Variants in VSX1 observed in about 807,000 individuals in gnomAD.
VSX1 encodes the protein homeodomain protein RINX.
A neutral mutation model predicts 23.6 loss-of-function variants in VSX1; 23 were observed. The observed-to-expected ratio is 0.97, with a 90% confidence interval of 0.70 to 1.38. VSX1 has a LOEUF of 1.38. Among genes scored for constraint, VSX1 ranks in the 40% most tolerant of loss-of-function variants. The pLI is 0.00. For synonymous variants in VSX1, 247 were observed against 215.1 expected, an observed-to-expected ratio of 1.15 and a Z score of -1.30; for missense variants, 517 against 495.4, an observed-to-expected ratio of 1.04 and a Z score of -0.41.
chr20:25,077,572 CA>C, intron 4 of VSX1, 112 bp downstream of exon 4: 1 of 1,291,850 alleles, frequency 7.7e-7, no homozygotes, highest in Non-Finnish European at 1.1e-6. Context: ...ACCTGAATCT[CA>C]GTAAACTGAC....
chr20:25,073,058 G>A (rs2089413395), downstream of VSX1, among the ~76,000 whole-genome samples: 1 of 152,168 alleles, frequency 6.6e-6, no homozygotes, highest in Admixed American at 6.5e-5. Context: ...AGAGGACCAC[G>A]TGTAAAATCC....
In VSX1 at chr20:25,077,860, C is replaced by A; in HGVS notation, c.633G>T (p.Trp211Cys). ...GCCATTTGGCCCTGCGGTTTTGAAA[C>A]CAGACCTGGTTGGAGGCAGGAGAAG... ...TELPEDRIQV[W>C]FQNRRAKWRK... Residue 211 changes from tryptophan (W) to cysteine (C), a missense_variant, in exon 4 of 5, where the codon TGG (tryptophan) becomes TGT (cysteine). Coordinates refer to ENST00000376709, the MANE Select transcript of VSX1 (RefSeq NM_014588.6). 1.3e-6 allele frequency: 2 copies of A among 1,551,898 alleles called. No individual in the cohort carries two copies. Among genetic ancestry groups the A allele is most frequent in the African/African-American group, 1.4e-5 (1 of 73,276 alleles).
chr20:25,076,525 C>T lies in VSX1; in HGVS notation c.834G>A (p.Met278Ile), dbSNP rs754510270. The T allele has an allele frequency of 8.1e-6, 13 of 1,612,428 alleles. No homozygotes were observed. The highest frequency in any genetic ancestry group is 1.0e-5 in the Non-Finnish European group (12 of 1,179,606). Residue 278 changes from methionine (M) to isoleucine (I), a missense_variant, in exon 5 of 5, where the codon ATG becomes ATA. By Grantham distance (10) the Met-to-Ile change is conservative. Coordinates refer to ENST00000376709, the MANE Select transcript of VSX1 (RefSeq NM_014588.6). The part of the protein sequence containing the change: ...LLGMHKKSMG[M>I]IRKPGSEDKL... ...TATCTTCACTTCCTGGCTTCCTTAT[C>T]ATCCCCATGGATTTTTTATGCATCC...
chr20:25,081,816 G>A lies in VSX1; in HGVS notation c.281C>T (p.Ala94Val). The A allele has an allele frequency of 6.7e-7, 1 of 1,502,678 alleles. No individual in the cohort carries two copies. Among genetic ancestry groups the A allele is most frequent in the Non-Finnish European group, 8.8e-7 (1 of 1,134,696 alleles). The allele number at this position is 1,502,678 out of a possible 1,614,324, so 93.1% of individuals were successfully genotyped here. A position where few individuals can be genotyped will look rare whatever the true frequency, so the allele number is the denominator to read the frequency against. ...GAGCAGGCAGGGTGCTCGAGCGGCC[G>A]CCGGCGGCTGCGTGCCGAAGCCACA... ...LLCGFGTQPP[A>V]AARAPCLLLA... Residue 94 changes from alanine to valine, a missense_variant, in exon 1 of 5, where the codon GCG becomes GTG. Coordinates refer to ENST00000376709, the MANE Select transcript of VSX1 (RefSeq NM_014588.6).
chr20:25,078,581 T>C (rs2122881778), intron 3 of VSX1: 4 of 1,397,738 alleles, frequency 2.9e-6, no homozygotes, highest in South Asian at 1.8e-5. Flanking sequence ...ATCTTTATAG[T>C]TTCTAGTTGC....
Position 25,076,005 on chromosome 20 carries a change from CA to C in VSX1, c.*255del. Reference sequence around the variant, plus strand: ...CTTCGGATCCTCCCTGCTCAAGCTACAAAAGAGAATCAAAAGTTTTGCACCA... The same window carrying C: ...CTTCGGATCCTCCCTGCTCAAGCTACAAAGAGAATCAAAAGTTTTGCACCA... On this transcript the variant is annotated 3_prime_UTR_variant, in exon 5 of 5. Transcript: ENST00000376709. 1 of 555,430 alleles carries C rather than the reference CA, an allele frequency of 1.8e-6. No homozygotes were observed. The highest frequency in any genetic ancestry group is 3.2e-6 in the Non-Finnish European group (1 of 312,630). The allele number at this position is 555,430 out of a possible 1,614,324, so 34.4% of individuals were successfully genotyped here.
chr20:25,079,160 T>C (rs1344859754), intron 2 of VSX1, among the ~76,000 whole-genome samples: 1 of 152,216 alleles, frequency 6.6e-6, no homozygotes, highest in Non-Finnish European at 1.5e-5. Flanking sequence ...TCTTAATGAA[T>C]TCCATCAGCT....
chr20:25,076,555 T>TA lies in VSX1; in HGVS notation c.809-6dup, dbSNP rs11427085. The TA allele has an allele frequency of 0.24, 322,241 of 1,341,312 alleles. 15,205 individuals are homozygous for TA. Among genetic ancestry groups the TA allele is most frequent in the Admixed American group, 0.34 (15,866 of 47,088 alleles). The allele number at this position is 1,341,312 out of a possible 1,614,324, so 83.1% of individuals were successfully genotyped here. A position where few individuals can be genotyped will look rare whatever the true frequency, so the allele number is the denominator to read the frequency against. On this transcript the variant is annotated splice_region_variant and splice_polypyrimidine_tract_variant and intron_variant, in intron 4 of 4. Transcript: ENST00000376709. ...CCATGGATTTTTTATGCATCCCTTG[T>TA]AAAAAAAAAAATAAAAAGGAAAAAA... is the stretch of plus-strand genomic sequence containing the variant.
chr20:25,081,350 C>A (rs1470758698), intron 1 of VSX1: 11 of 616,650 alleles, frequency 1.8e-5, no homozygotes, highest in Admixed American at 1.3e-4. Flanking sequence ...TGGCGCCTGG[C>A]GCTGGGGGGA....
Position 25,076,017 on chromosome 20 carries a change from A to G in VSX1, c.*244T>C. The G allele has an allele frequency of 1.7e-6, 1 of 575,850 alleles. No homozygotes were observed. The highest frequency in any genetic ancestry group is 3.1e-6 in the Non-Finnish European group (1 of 326,446). The allele number at this position is 575,850 out of a possible 1,614,324, so 35.7% of individuals were successfully genotyped here. A position where few individuals can be genotyped will look rare whatever the true frequency, so the allele number is the denominator to read the frequency against. On this transcript the variant is annotated 3_prime_UTR_variant, in exon 5 of 5. Coordinates refer to ENST00000376709, the MANE Select transcript of VSX1 (RefSeq NM_014588.6). Reference sequence around the variant, plus strand: ...CCTGCTCAAGCTACAAAAGAGAATCAAAAGTTTTGCACCAAGTTAACTGGT... The same window carrying G: ...CCTGCTCAAGCTACAAAAGAGAATCGAAAGTTTTGCACCAAGTTAACTGGT...
rs543443994 is a variant in VSX1 at position 25,081,150 on chromosome 20, T to G, written c.424+523A>C. Among the ~76,000 whole-genome samples, 3 of 152,314 alleles carry G rather than the reference T, an allele frequency of 2.0e-5. No individual in the cohort carries two copies. In the East Asian group the frequency reaches 5.8e-4, roughly 29 times the overall value. ...ACGCTGCGCCGGCAGAGGAGCGCGG[T>G]ACCCGGGACTCCCTTTTCAGCACCC... On this transcript the variant is annotated intron_variant, in intron 1 of 4. Coordinates refer to ENST00000376709, the MANE Select transcript of VSX1 (RefSeq NM_014588.6).
At position 25,081,794 on chromosome 20, in the gene VSX1, C is replaced by T. The variant is rs2089651572; in HGVS notation, c.303G>A (p.Leu101=). ...QPPAAARAPC[L]LLADVPFLPP... ...GCAGGAACGGCACGTCCGCTAGGAG[C>T]AGGCAGGGTGCTCGAGCGGCCGCCG... is the stretch of plus-strand genomic sequence containing the variant. Residue 101 remains leucine, a synonymous_variant, in exon 1 of 5, where the codon CTG becomes CTA. Transcript: ENST00000376709. 2 of 1,505,062 alleles carry T rather than the reference C, an allele frequency of 1.3e-6. No homozygotes were observed. The highest frequency in any genetic ancestry group is 1.8e-6 in the Non-Finnish European group (2 of 1,135,602). The allele number at this position is 1,505,062 out of a possible 1,614,324, so 93.2% of individuals were successfully genotyped here.
At chr20:25,081,115 G>A (rs577930024) in intron 1 of VSX1, among the ~76,000 whole-genome samples, 37 of 152,370 alleles carry the variant, frequency 2.4e-4, no homozygotes, top group African/African-American at 8.7e-4. Context: ...CTGCACAGGG[G>A]ACTGGGAGGA....
chr20:25,080,430 G>C (rs1449100209), intron 1 of VSX1, among the ~76,000 whole-genome samples: 2 of 152,184 alleles, frequency 1.3e-5, no homozygotes, highest in South Asian at 4.1e-4. Flanking sequence ...AAGACATGCT[G>C]TAAACATAAA....
At chr20:25,072,724 T>C (rs761133210), downstream of VSX1, 1 of 468,726 alleles carries the variant, frequency 2.1e-6, no homozygotes, top group African/African-American at 2.0e-5. Context: ...ATTGTTTTTA[T>C]ACGATTAAAC....
At chr20:25,079,909 C>T (rs2089604536) in intron 1 of VSX1, among the ~76,000 whole-genome samples, 1 of 152,166 alleles carries the variant, frequency 6.6e-6, no homozygotes, top group Non-Finnish European at 1.5e-5. Flanking sequence ...CCCCACACTG[C>T]TTCCAAACAC....
downstream of VSX1, chr20:25,070,912 C>A (rs946626986): frequency 4.1e-5 from 17 of 415,250 alleles, no homozygotes; most frequent in Admixed American, 1.8e-4. Flanking sequence ...TTAATTAATT[C>A]TTATAAAGAA....
chr20:25,077,765 C>T lies in VSX1; in HGVS notation c.728G>A (p.Arg243His), dbSNP rs1381129684. 5 of 1,550,848 alleles carry T rather than the reference C, an allele frequency of 3.2e-6. No individual in the cohort carries two copies. In the East Asian group the frequency reaches 9.8e-5, roughly 30 times the overall value. Residue 243 changes from arginine (R) to histidine (H), a missense_variant, in exon 4 of 5, where the codon CGC becomes CAC. Coordinates refer to ENST00000376709, the MANE Select transcript of VSX1 (RefSeq NM_014588.6). ...GGAGTCTGGCAGCGGGATGCAGTGG[C>T]GCACCATGGCCCCGTACAGCCCGTA... ...AEYGLYGAMV[R>H]HCIPLPDSVL...
chr20:25,081,787 C>G lies in VSX1; in HGVS notation c.310G>C (p.Ala104Pro), dbSNP rs796052181. 6.7e-7 allele frequency: 1 copy of G among 1,503,374 alleles called. No homozygotes were observed. The allele number at this position is 1,503,374 out of a possible 1,614,324, so 93.1% of individuals were successfully genotyped here. ...CTGGGCGGCAGGAACGGCACGTCCG[C>G]TAGGAGCAGGCAGGGTGCTCGAGCG... The part of the protein sequence containing the change: ...AAARAPCLLL[A>P]DVPFLPPRGP... The change falls in exon 1 of 5, where the codon GCG becomes CCG. Residue 104 changes from alanine to proline, a missense_variant. Ala to Pro is a conservative substitution (Grantham distance 27). Transcript: ENST00000376709.
Sources: allele counts gnomAD v4.1 joint callset (sites outside exome capture counted in the v4.1 genomes callset), GRCh38; gene constraint gnomAD v4.1.1; transcripts MANE v1.5; gene names NCBI Gene and HGNC (gene_info 2026-07-23, HGNC 2026-07-21).